The following CCDC171 variants were observed in gnomAD, a reference collection of about 807,000 sequenced individuals.
CCDC171 encodes the protein coiled-coil domain-containing protein 171.
Under a neutral mutation model 168.2 loss-of-function variants are expected in CCDC171, and 177 were observed. The observed-to-expected ratio is 1.05, with a 90% CI of 0.93 to 1.19. The LOEUF (loss-of-function observed/expected upper bound fraction) is 1.19, where lower values mean the gene tolerates loss of function less well. Among genes scored for constraint, CCDC171 ranks in the 50% most tolerant of loss-of-function variants. CCDC171 has a pLI of 0.00. For missense variants in CCDC171, 1,991 were observed against 1,539.0 expected, an observed-to-expected ratio of 1.29 and a Z score of -4.91; for synonymous variants, 687 against 540.8, an observed-to-expected ratio of 1.27 and a Z score of -3.75.
At chr9:15,556,760 C>A (rs1198136713) in intron 1 of CCDC171, among the ~76,000 whole-genome samples, 1 of 151,708 alleles carries the variant, frequency 6.6e-6, no homozygotes, top group East Asian at 1.9e-4. Context: ...TCTCATTTGT[C>A]AATTTTGGCT....
intron 10 of CCDC171, among the ~76,000 whole-genome samples, chr9:15,680,079 C>T (rs1281820252): frequency 2.0e-5 from 3 of 152,134 alleles, no homozygotes; most frequent in African/African-American, 7.2e-5. Flanking sequence ...GTACTTAGTT[C>T]AGCATCTTTA....
intron 21 of CCDC171, among the ~76,000 whole-genome samples, chr9:15,798,224 T>G (rs1270426963): frequency 6.6e-6 from 1 of 152,128 alleles, no homozygotes; most frequent in East Asian, 1.9e-4. Flanking sequence ...TTTATAACAT[T>G]CCATTATTAT....
chr9:16,043,721 C>A (rs1266974253), intron 1 of CCDC171, among the ~76,000 whole-genome samples: 2 of 152,168 alleles, frequency 1.3e-5, no homozygotes, highest in Non-Finnish European at 2.9e-5. Flanking sequence ...TTTCTTGGAC[C>A]TTTTCCTACA....
intron 23 of CCDC171, among the ~76,000 whole-genome samples, chr9:15,873,912 G>T (rs535521211): frequency 6.6e-6 from 1 of 152,026 alleles, no homozygotes; most frequent in Admixed American, 6.6e-5. Context: ...GTATTGTTTA[G>T]AAATTGTGTG....
the CCDC171 span, among the ~76,000 whole-genome samples, chr9:16,082,490 A>C: frequency 6.6e-6 from 1 of 152,182 alleles, no homozygotes; most frequent in African/African-American, 2.4e-5. Flanking sequence ...GGTAATATAA[A>C]GCTTCATCAG....
At position 15,591,483 on chromosome 9, in the gene CCDC171, A is replaced by G; in HGVS notation, c.470A>G (p.Asn157Ser). ...GAACATGATTTGGAGGAAAGAGACA[A>G]TATGATCCAAAATTGCAATCGAGAA... ...RFEHDLEERD[N>S]MIQNCNREYD... Residue 157 changes from asparagine to serine, a missense_variant, in exon 5 of 26, where the codon AAT becomes AGT. Transcript: ENST00000380701. The G allele has an allele frequency of 6.2e-7, 1 of 1,608,256 alleles. No homozygotes were observed. The highest frequency in any genetic ancestry group is 2.2e-5 in the East Asian group (1 of 44,776).
chr9:15,869,287 G>C (rs1163215110), intron 23 of CCDC171, among the ~76,000 whole-genome samples: 1 of 151,946 alleles, frequency 6.6e-6, no homozygotes, highest in African/African-American at 2.4e-5. Context: ...AAAGGTTAAA[G>C]AAGGAGGAAA....
chr9:15,631,901 C>T (rs925488601), intron 7 of CCDC171, among the ~76,000 whole-genome samples: 2 of 152,124 alleles, frequency 1.3e-5, no homozygotes, highest in African/African-American at 4.8e-5. Context: ...ATCATATAAA[C>T]AGAACCAAAG....
chr9:15,616,668 T>G (rs1014716446), intron 6 of CCDC171, among the ~76,000 whole-genome samples: 2 of 152,178 alleles, frequency 1.3e-5, no homozygotes, highest in Non-Finnish European at 2.9e-5. Flanking sequence ...AATTTAACAG[T>G]GACTGAATTA....
chr9:15,750,350 C>T (rs2055636786), intron 18 of CCDC171, among the ~76,000 whole-genome samples: 1 of 152,028 alleles, frequency 6.6e-6, no homozygotes, highest in African/African-American at 2.4e-5. Context: ...CAAAAAAAGC[C>T]CAGGACCAGA....
intron 24 of CCDC171, among the ~76,000 whole-genome samples, chr9:15,910,706 C>T (rs146462729): frequency 0.011 from 1,717 of 152,142 alleles, 37 homozygotes; most frequent in African/African-American, 0.039. Context: ...AGCCCCCCAC[C>T]CCACAACAGG....
At chr9:15,647,690 A>T (rs971127488) in intron 7 of CCDC171, among the ~76,000 whole-genome samples, 8 of 152,208 alleles carry the variant, frequency 5.3e-5, no homozygotes, top group African/African-American at 1.9e-4. Flanking sequence ...TCCCAAGACT[A>T]AACCAGGAAG....
chr9:15,704,622 A>G (rs1362083434), intron 11 of CCDC171, among the ~76,000 whole-genome samples: 2 of 152,174 alleles, frequency 1.3e-5, no homozygotes, highest in African/African-American at 4.8e-5. Context: ...TCTTGAATTA[A>G]TCTTAACTTA....
At chr9:15,862,017 A>G (rs1333665421) in intron 23 of CCDC171, among the ~76,000 whole-genome samples, 1 of 151,486 alleles carries the variant, frequency 6.6e-6, no homozygotes, top group African/African-American at 2.4e-5. Flanking sequence ...GTGTTCTTAG[A>G]TAGCATTCTT....
intron 18 of CCDC171, among the ~76,000 whole-genome samples, chr9:15,750,764 T>G (rs1327155735): frequency 6.6e-6 from 1 of 152,148 alleles, no homozygotes; most frequent in Non-Finnish European, 1.5e-5. Context: ...AACTAGGTAT[T>G]GATGGAACGT....
chr9:16,020,333 C>CA (rs944011485), intron 3 of CCDC171, among the ~76,000 whole-genome samples: 15 of 151,922 alleles, frequency 9.9e-5, no homozygotes, highest in South Asian at 2.1e-4. Flanking sequence ...TTCCAAAATC[C>CA]AAAAAAATAA....
At chr9:15,806,211 T>A (rs1021286496) in intron 21 of CCDC171, among the ~76,000 whole-genome samples, 2 of 152,188 alleles carry the variant, frequency 1.3e-5, no homozygotes, top group African/African-American at 4.8e-5. Context: ...TGTCTTTCAA[T>A]TGGGGCATTT....
intron 4 of CCDC171, among the ~76,000 whole-genome samples, chr9:15,586,720 A>C (rs537092540): frequency 1.3e-5 from 2 of 152,184 alleles, no homozygotes; most frequent in African/African-American, 4.8e-5. Context: ...GGCGAAATAG[A>C]GTCTTTTGAC....
At chr9:16,006,181 T>G in intron 3 of CCDC171, among the ~76,000 whole-genome samples, 1 of 152,140 alleles carries the variant, frequency 6.6e-6, no homozygotes, top group East Asian at 1.9e-4. Flanking sequence ...CTAGACTGTT[T>G]GCAAAAGTAA....
Sources: allele counts gnomAD v4.1 joint callset (sites outside exome capture counted in the v4.1 genomes callset), GRCh38; gene constraint gnomAD v4.1.1; transcripts MANE v1.5; gene names NCBI Gene and HGNC (gene_info 2026-07-23, HGNC 2026-07-21).